Variants in TRPC6 observed in about 807,000 individuals in gnomAD.
The protein encoded by TRPC6 is transient receptor potential cation channel subfamily C member 6.
In TRPC6, 55 loss-of-function variants were observed where a neutral mutation model predicts 90.7. That is an observed-to-expected ratio of 0.61 (90% CI 0.49 to 0.76). The LOEUF is 0.76. TRPC6 is among the 30% of genes least tolerant of loss of function. The pLI, the probability that TRPC6 is intolerant of heterozygous loss-of-function variation, is 0.00. For missense variants in TRPC6, 989 were observed against 1,122.7 expected, an observed-to-expected ratio of 0.88 and a Z score of 1.70; for synonymous variants, 393 against 393.0, an observed-to-expected ratio of 1.00 and a Z score of 0.00.
At chr11:101,488,239 T>C (rs892290021) in intron 4 of TRPC6, among the ~76,000 whole-genome samples, 59 of 152,342 alleles carry the variant, frequency 3.9e-4, no homozygotes, top group African/African-American at 1.3e-3. Context: ...GTTAACAGAA[T>C]GATAGGTCAA....
At chr11:101,548,815 A>G (rs942642099) in intron 1 of TRPC6, among the ~76,000 whole-genome samples, 1 of 152,012 alleles carries the variant, frequency 6.6e-6, no homozygotes, top group Admixed American at 6.6e-5. Flanking sequence ...CAAAATACAT[A>G]TACTATTGAG....
chr11:101,482,710 G>C (rs1213262781), intron 5 of TRPC6, among the ~76,000 whole-genome samples: 1 of 152,130 alleles, frequency 6.6e-6, no homozygotes, highest in Non-Finnish European at 1.5e-5. Context: ...ATACTACCCT[G>C]TTGGTTTTCT....
intron 4 of TRPC6, among the ~76,000 whole-genome samples, chr11:101,485,278 GT>G (rs11325078): frequency 0.36 from 52,994 of 146,670 alleles, 10,523 homozygotes; most frequent in African/African-American, 0.55. Context: ...GAGTATTTTT[GT>G]TTTTTTTTTT....
intron 1 of TRPC6, among the ~76,000 whole-genome samples, chr11:101,564,105 G>C (rs1433073408): frequency 6.6e-6 from 1 of 151,346 alleles, no homozygotes; most frequent in Non-Finnish European, 1.5e-5. Flanking sequence ...TTAATAATGA[G>C]TTTTATTATC....
At chr11:101,523,609 A>T (rs1022089160) in intron 1 of TRPC6, among the ~76,000 whole-genome samples, 8 of 152,240 alleles carry the variant, frequency 5.3e-5, no homozygotes, top group Non-Finnish European at 1.2e-4. Context: ...CTGGAGAGTA[A>T]AAAAGCAAGA....
intron 5 of TRPC6, among the ~76,000 whole-genome samples, chr11:101,480,412 C>G (rs2136686229): frequency 6.6e-6 from 1 of 152,214 alleles, no homozygotes; most frequent in East Asian, 1.9e-4. Flanking sequence ...CAGCTCCTCC[C>G]TTCTGATGTG....
chr11:101,473,692 C>G lies in TRPC6; in HGVS notation c.1826G>C (p.Arg609Thr). 6.2e-7 allele frequency: 1 copy of G among 1,613,594 alleles called. No homozygotes were observed. The highest frequency in any genetic ancestry group is 8.5e-7 in the Non-Finnish European group (1 of 1,179,726). Residue 609 changes from arginine (R) to threonine (T), a missense_variant, in exon 7 of 13, where the codon AGG becomes ACG. Around this residue, in one of 4 missense-constraint regions of TRPC6, gnomAD observed 118 missense variants for 197.6 expected, o/e 0.60. Transcript: ENST00000344327. Reference sequence around the variant, plus strand: ...ATTTGCTGGTAAAATATAAGCTATCCTAGAGAAACTTAAAACTACAGCAAT... The same window carrying G: ...ATTTGCTGGTAAAATATAAGCTATCGTAGAGAAACTTAAAACTACAGCAAT... ...YAIAVVLSFSRIAYILPANES... is the reference protein window; with the variant it reads ...YAIAVVLSFSTIAYILPANES...
intron 10 of TRPC6, among the ~76,000 whole-genome samples, chr11:101,467,839 T>C (rs912105799): frequency 2.6e-5 from 4 of 152,248 alleles, no homozygotes; most frequent in African/African-American, 9.6e-5. Context: ...GCCTGAGGGC[T>C]ATGGCTTGTT....
intron 2 of TRPC6, among the ~76,000 whole-genome samples, chr11:101,494,535 G>A (rs1859899157): frequency 1.3e-5 from 2 of 152,034 alleles, no homozygotes; most frequent in South Asian, 4.1e-4. Flanking sequence ...TAACGCACCT[G>A]GCTTCTCTTG....
intron 10 of TRPC6, among the ~76,000 whole-genome samples, chr11:101,462,232 G>A (rs1859021426): frequency 6.6e-6 from 1 of 152,166 alleles, no homozygotes; most frequent in African/African-American, 2.4e-5. Context: ...AGTATAGTTT[G>A]AAGTCAGGAG....
At chr11:101,458,078 T>G (rs772773015) in intron 10 of TRPC6, among the ~76,000 whole-genome samples, 2 of 152,174 alleles carry the variant, frequency 1.3e-5, no homozygotes, top group African/African-American at 4.8e-5. Flanking sequence ...TAGCTTACAG[T>G]TGGGCAAAAG....
intron 4 of TRPC6, among the ~76,000 whole-genome samples, chr11:101,487,787 G>T (rs1319051745): frequency 6.6e-6 from 1 of 152,034 alleles, no homozygotes; most frequent in Non-Finnish European, 1.5e-5. Context: ...TATCTATGAT[G>T]ATGGATTTTA....
chr11:101,470,957 TTTAGTTATATTTCATGAATTTTTC>T, intron 9 of TRPC6, among the ~76,000 whole-genome samples: 1 of 152,078 alleles, frequency 6.6e-6, no homozygotes, highest in African/African-American at 2.4e-5. Flanking sequence ...AACATATTAT[TTTAGTTATATTTCATGAATTTTTC>T]TTACATTCTT....
rs1221283860 is a variant in TRPC6 at position 101,469,919 on chromosome 11, AT to A, written c.2410-419del. On this transcript the variant is annotated intron_variant, in intron 9 of 12. Transcript: ENST00000344327. ...TTGAGTTGATCTTCAGGATGTAGAT[AT>A]AATTTTTTTCACATATTACAGTTGA... Among the ~76,000 whole-genome samples the A allele has an allele frequency of 3.3e-5, 5 of 152,338 alleles. No individual in the cohort carries two copies. The South Asian group carries it at 6.2e-4, about 19-fold the overall frequency.
chr11:101,572,260 A>G (rs1360153137), intron 1 of TRPC6, among the ~76,000 whole-genome samples: 1 of 122,580 alleles, frequency 8.2e-6, no homozygotes, highest in African/African-American at 3.0e-5. Context: ...GCCAACAAAC[A>G]TATGAAAAAA....
intron 1 of TRPC6, among the ~76,000 whole-genome samples, chr11:101,545,900 C>G (rs1270730483): frequency 3.9e-5 from 6 of 152,008 alleles, no homozygotes; most frequent in Non-Finnish European, 4.4e-5. Context: ...TTCTGGTTTT[C>G]ACACAGATGG....
At chr11:101,573,401 T>C (rs970426750) in intron 1 of TRPC6, among the ~76,000 whole-genome samples, 3 of 152,332 alleles carry the variant, frequency 2.0e-5, no homozygotes, top group Middle Eastern at 3.4e-3. Context: ...ATTAATTCTT[T>C]GGCAAATTAT....
rs544639711 is a variant in TRPC6 at position 101,475,708 on chromosome 11, ATAAG to A, written c.1744+589_1744+592del. The stretch of plus-strand genomic sequence containing the variant: ...GTTTGACTTTTTTTAGATTCCACAA[ATAAG>A]TAAGATCATATACCATTTGTCTTTC... On this transcript the variant is annotated intron_variant, in intron 6 of 12. Coordinates refer to ENST00000344327, the MANE Select transcript of TRPC6 (RefSeq NM_004621.6). Among the ~76,000 whole-genome samples, 260 of 152,148 alleles carry A rather than the reference ATAAG, an allele frequency of 1.7e-3. 3 individuals are homozygous for A. The highest frequency in any genetic ancestry group is 8.3e-3 in the South Asian group (40 of 4,812).
intron 1 of TRPC6, among the ~76,000 whole-genome samples, chr11:101,512,703 G>A (rs918115404): frequency 3.2e-4 from 48 of 152,220 alleles, no homozygotes; most frequent in African/African-American, 1.0e-3. Flanking sequence ...GGGGAACTTC[G>A]CAAAATATTT....
Sources: gnomAD v4.1 joint callset for allele counts (sites outside exome capture counted in the v4.1 genomes callset) on GRCh38, gnomAD v4.1.1 for gene constraint, gnomAD v4.1.1 regional missense constraint, MANE v1.5 for transcripts, NCBI Gene and HGNC (gene_info 2026-07-23, HGNC 2026-07-21) for gene names.